Variants in GLMN observed in about 807,000 individuals in gnomAD.
The protein encoded by GLMN is glomulin, FKBP associated protein, also known as glomulin.
In GLMN, 75 loss-of-function variants were observed where a neutral mutation model predicts 87.8. That is an observed-to-expected ratio of 0.85 (90% CI 0.71 to 1.04). The LOEUF (loss-of-function observed/expected upper bound fraction) is 1.04, where lower values mean the gene tolerates loss of function less well. GLMN is among the 50% of genes least tolerant of loss of function. The pLI is 0.00. For missense variants in GLMN, 588 were observed against 658.8 expected, an observed-to-expected ratio of 0.89 and a Z score of 1.18; for synonymous variants, 206 against 221.6, an observed-to-expected ratio of 0.93 and a Z score of 0.63.
At chr1:92,300,350 G>A (rs1272437122), upstream of GLMN, 3 of 802,662 alleles carry the variant, frequency 3.7e-6, no homozygotes, top group South Asian at 5.1e-5. Flanking sequence ...AAATTATCAT[G>A]AGAGGGAAGG....
At chr1:92,357,122 A>AC in the GLMN span, among the ~76,000 whole-genome samples, 10 of 139,506 alleles carry the variant, frequency 7.2e-5, no homozygotes, top group African/African-American at 1.7e-4. Context: ...CACACACACA[A>AC]ACAGATGTTT....
At chr1:92,354,823 G>A in the GLMN span, among the ~76,000 whole-genome samples, 4 of 150,830 alleles carry the variant, frequency 2.7e-5, no homozygotes, top group African/African-American at 9.7e-5. Flanking sequence ...CATGCCTCTT[G>A]GTTTTTCAAA....
chr1:92,320,881 A>G, the GLMN span, among the ~76,000 whole-genome samples: 1 of 152,210 alleles, frequency 6.6e-6, no homozygotes, highest in Non-Finnish European at 1.5e-5. Context: ...TAACCTGTTG[A>G]AATATGACAT....
chr1:92,251,949 C>A (rs182852857), intron 16 of GLMN, among the ~76,000 whole-genome samples: 214 of 152,120 alleles, frequency 1.4e-3, no homozygotes, highest in African/African-American at 4.9e-3. Flanking sequence ...GCGTCTGCCA[C>A]CATGCCCAGC....
the GLMN span, chr1:92,307,334 C>A: frequency 2.5e-6 from 3 of 1,211,202 alleles, no homozygotes; most frequent in Admixed American, 2.3e-5. Context: ...TTTGTTTCTG[C>A]TTTTTGAGAT....
chr1:92,366,159 C>T, the GLMN span, among the ~76,000 whole-genome samples: 4 of 152,026 alleles, frequency 2.6e-5, no homozygotes, highest in Non-Finnish European at 4.4e-5. Context: ...ATGTTTTAGC[C>T]GGATGTGGTG....
chr1:92,364,998 TTA>T, the GLMN span, among the ~76,000 whole-genome samples: 1 of 152,208 alleles, frequency 6.6e-6, no homozygotes, highest in Non-Finnish European at 1.5e-5. Flanking sequence ...TGTCTTCACA[TTA>T]TGTCCACTGA....
At chr1:92,289,422 T>C (rs1254102427) in intron 5 of GLMN, among the ~76,000 whole-genome samples, 5 of 152,224 alleles carry the variant, frequency 3.3e-5, no homozygotes, top group African/African-American at 1.2e-4. Flanking sequence ...GTTCTTTCCA[T>C]GTTTTTGGGT....
the GLMN span, among the ~76,000 whole-genome samples, chr1:92,325,747 T>C: frequency 6.6e-6 from 1 of 152,138 alleles, no homozygotes; most frequent in South Asian, 2.1e-4. Flanking sequence ...TCAGCACCTC[T>C]TTCCAAAATT....
Position 92,246,551 on chromosome 1 carries a change from T to G in GLMN, c.1764A>C (p.Glu588Asp), listed in dbSNP as rs1207600922. Residue 588 changes from glutamate (E) to aspartate (D), a missense_variant, in exon 19 of 19, where the codon GAA becomes GAC. Physicochemically the swap from Glu to Asp is conservative, Grantham distance 45. Transcript: ENST00000370360. ...LIEIKTKSTSEENIGIK is the reference protein window; with the variant it reads ...LIEIKTKSTSDENIGIK ...ACTTTCACTTTATCCCAATATTTTC[T>G]TCAGAGGTAGACTTTGTTTTTATTT... The G allele has an allele frequency of 6.9e-7, 1 of 1,444,240 alleles. No individual in the cohort carries two copies. The highest frequency in any genetic ancestry group is 9.8e-7 in the Non-Finnish European group (1 of 1,025,046). 89.5% of individuals were successfully genotyped at this position (1,444,240 alleles called of 1,614,324 possible). A position where few individuals can be genotyped will look rare whatever the true frequency, so the allele number is the denominator to read the frequency against.
upstream of GLMN, among the ~76,000 whole-genome samples, chr1:92,302,534 G>T (rs1650924389): frequency 6.9e-6 from 1 of 144,506 alleles, no homozygotes; most frequent in Non-Finnish European, 1.5e-5. Flanking sequence ...TCAAAAACCT[G>T]AAATACAGCT....
chr1:92,320,877 G>A, the GLMN span, among the ~76,000 whole-genome samples: 1 of 152,154 alleles, frequency 6.6e-6, no homozygotes, highest in Non-Finnish European at 1.5e-5. Context: ...AATTTAACCT[G>A]TTGAAATATG....
At chr1:92,330,704 A>C in the GLMN span, among the ~76,000 whole-genome samples, 8 of 152,042 alleles carry the variant, frequency 5.3e-5, no homozygotes. Context: ...TGCCTGCCTC[A>C]GCCTCCCAAA....
chr1:92,300,078 C>T (rs1650701988), upstream of GLMN: 1 of 688,164 alleles, frequency 1.5e-6, no homozygotes. Flanking sequence ...TATATCTAAA[C>T]ATAGAAAAGG....
chr1:92,290,098 G>T, intron 5 of GLMN, 100 bp downstream of exon 5: 1 of 751,408 alleles, frequency 1.3e-6, no homozygotes, highest in Non-Finnish European at 2.4e-6. Flanking sequence ...TCACTAATTA[G>T]CTGTAAACTT....
chr1:92,280,609 G>T (rs1647912379), intron 7 of GLMN, among the ~76,000 whole-genome samples: 1 of 152,202 alleles, frequency 6.6e-6, no homozygotes. Flanking sequence ...ACTGGACGGA[G>T]AATGAGTTTG....
chr1:92,328,775 T>G, the GLMN span, among the ~76,000 whole-genome samples: 1 of 152,220 alleles, frequency 6.6e-6, no homozygotes, highest in Admixed American at 6.5e-5. Flanking sequence ...TTGGGTAGAC[T>G]GTGAGAAGGA....
chr1:92,312,851 T>G, the GLMN span, among the ~76,000 whole-genome samples: 1 of 151,410 alleles, frequency 6.6e-6, no homozygotes, highest in East Asian at 1.9e-4. Context: ...AGACAGAGTC[T>G]CACTCTGTCA....
chr1:92,307,111 T>C, the GLMN span: 1 of 962,496 alleles, frequency 1.0e-6, no homozygotes, highest in Non-Finnish European at 1.6e-6. Context: ...ACGATACATT[T>C]ATGTTTTATA....
Sources: allele counts gnomAD v4.1 joint callset (sites outside exome capture counted in the v4.1 genomes callset), GRCh38; gene constraint gnomAD v4.1.1; transcripts MANE v1.5; gene names NCBI Gene and HGNC (gene_info 2026-07-23, HGNC 2026-07-21).